SUCLG2: variants seen among roughly 807,000 people sequenced by gnomAD.
The protein encoded by SUCLG2 is succinate-CoA ligase GDP-forming subunit beta, also known as succinate--CoA ligase [GDP-forming] subunit beta, mitochondrial.
In SUCLG2, 42 loss-of-function variants were observed where a neutral mutation model predicts 47.9. The ratio of observed to expected loss-of-function variants is 0.88; its 90% CI spans 0.69 to 1.14. The LOEUF is 1.14. SUCLG2 is among the 50% of genes most tolerant of loss of function. SUCLG2 has a pLI of 0.00. For missense variants in SUCLG2, 571 were observed against 525.9 expected (o/e 1.09, Z -0.84); for synonymous variants, 195 against 197.3 (o/e 0.99, Z 0.10).
intron 2 of SUCLG2, among the ~76,000 whole-genome samples, chr3:67,601,483 C>A (rs1708416985): frequency 6.6e-6 from 1 of 152,136 alleles, no homozygotes; most frequent in South Asian, 2.1e-4. Context: ...GGTCCTATGT[C>A]ATTTACCCTA....
At chr3:67,517,059 T>C (rs1319865428) in intron 6 of SUCLG2, among the ~76,000 whole-genome samples, 1 of 152,162 alleles carries the variant, frequency 6.6e-6, no homozygotes, top group Non-Finnish European at 1.5e-5. Flanking sequence ...GAAATGGCAA[T>C]TAGTTCCTCT....
In SUCLG2 at chr3:67,508,792, CTTTT is replaced by C; in HGVS notation, c.757+11_757+14del. ...AATACATTCATTTGTTTTCTCAATT[CTTTT>C]TTTTTTTTACCTTGTCCTTCTGGAG... On this transcript the variant is annotated intron_variant, in intron 7 of 10. Coordinates refer to ENST00000307227, the MANE Select transcript of SUCLG2 (RefSeq NM_003848.4). 8.1e-7 allele frequency: 1 copy of C among 1,232,840 alleles called. No individual in the cohort carries two copies. The allele number at this position is 1,232,840 out of a possible 1,614,324, so 76.4% of individuals were successfully genotyped here. A position where few individuals can be genotyped will look rare whatever the true frequency, so the allele number is the denominator to read the frequency against.
At chr3:67,457,343 T>C (rs1317038395) in intron 9 of SUCLG2, among the ~76,000 whole-genome samples, 2 of 152,216 alleles carry the variant, frequency 1.3e-5, no homozygotes, top group Non-Finnish European at 2.9e-5. Context: ...AAGTGATACA[T>C]GGAAATGTAA....
In SUCLG2 at chr3:67,443,337, CCGCCGCGCCGGCGAG is replaced by C. The variant is rs1378716334; in HGVS notation, c.1063-42501_1063-42487del. Among the ~76,000 whole-genome samples, 3 of 24,002 alleles carry C rather than the reference CCGCCGCGCCGGCGAG, an allele frequency of 1.2e-4. 1 individual carries two copies. The highest frequency in any genetic ancestry group is 3.5e-4 in the Non-Finnish European group (3 of 8,652). 15.7% of individuals were successfully genotyped at this position (24,002 alleles called of 152,430 possible). A position where few individuals can be genotyped will look rare whatever the true frequency, so the allele number is the denominator to read the frequency against. On this transcript the variant is annotated intron_variant, in intron 9 of 10. Coordinates refer to ENST00000307227, the MANE Select transcript of SUCLG2 (RefSeq NM_003848.4). ...GGCAGCGGAGCTGTCTCAGTCTTTG[CCGCCGCGCCGGCGAG>C]CGCCCCTCGGGAGGCAGCGGCTGGA...
In SUCLG2 at chr3:67,400,766, A is replaced by C; in HGVS notation, c.1148T>G (p.Leu383Arg). Reference protein sequence around the residue: ...ANGITKACRELELKVPLVVRL... With the variant: ...ANGITKACRERELKVPLVVRL... ...GACCACCAGGGGCACCTTGAGTTCT[A>C]GCTCCCGGCAGGCTTTGGTGATCCC... The change falls in exon 10 of 11, where the codon CTA becomes CGA. Residue 383 changes from leucine to arginine, a missense_variant. Physicochemically the swap from Leu to Arg is moderately radical, Grantham distance 102. Transcript: ENST00000307227. 6.2e-7 allele frequency: 1 copy of C among 1,611,820 alleles called. No individual in the cohort carries two copies. The highest frequency in any genetic ancestry group is 8.5e-7 in the Non-Finnish European group (1 of 1,179,912).
At chr3:67,563,457 T>C (rs1424826920) in intron 2 of SUCLG2, among the ~76,000 whole-genome samples, 4 of 152,286 alleles carry the variant, frequency 2.6e-5, no homozygotes, top group East Asian at 1.9e-4. Context: ...GATGTGTAAG[T>C]AAATATGATA....
At chr3:67,643,089 T>G (rs1354052616) in intron 1 of SUCLG2, among the ~76,000 whole-genome samples, 2 of 152,158 alleles carry the variant, frequency 1.3e-5, no homozygotes, top group Non-Finnish European at 2.9e-5. Context: ...TGTAAATGAT[T>G]GTCAAATAAA....
At chr3:67,620,209 G>A (rs938742881) in intron 1 of SUCLG2, among the ~76,000 whole-genome samples, 1 of 152,148 alleles carries the variant, frequency 6.6e-6, no homozygotes, top group Non-Finnish European at 1.5e-5. Flanking sequence ...GCCCTAGGAG[G>A]AGAGGCAGGG....
intron 9 of SUCLG2, among the ~76,000 whole-genome samples, chr3:67,427,618 CGGATACT>C (rs1023168703): frequency 1.3e-5 from 2 of 152,100 alleles, no homozygotes; most frequent in African/African-American, 4.8e-5. Flanking sequence ...TGGGGCTTGT[CGGATACT>C]GGGTGCAGCC....
At chr3:67,490,751 T>C (rs1705182875) in intron 9 of SUCLG2, among the ~76,000 whole-genome samples, 1 of 152,200 alleles carries the variant, frequency 6.6e-6, no homozygotes, top group Non-Finnish European at 1.5e-5. Flanking sequence ...AAAACAATGC[T>C]TTAAGGTATT....
At chr3:67,510,190 A>G (rs1014423197) in intron 6 of SUCLG2, among the ~76,000 whole-genome samples, 34 of 152,302 alleles carry the variant, frequency 2.2e-4, no homozygotes, top group Non-Finnish European at 4.3e-4. Flanking sequence ...TGCAGCGCCT[A>G]TGAAACACAT....
In SUCLG2 at chr3:67,520,541, G is replaced by T; in HGVS notation, c.511C>A (p.Pro171Thr). 6 of 1,614,168 alleles carry T rather than the reference G, an allele frequency of 3.7e-6. No individual in the cohort carries two copies. Among genetic ancestry groups the T allele is most frequent in the Non-Finnish European group, 5.1e-6 (6 of 1,180,026 alleles). Reference sequence around the variant, plus strand: ...TCTTCAATGTCGACGCCCCCCTGGGGGCTGCCCACCAGCACGGGGCCATTG... The same window carrying T: ...TCTTCAATGTCGACGCCCCCCTGGGTGCTGCCCACCAGCACGGGGCCATTG... The part of the protein sequence containing the change: ...SCNGPVLVGS[P>T]QGGVDIEEVA... Residue 171 changes from proline (P) to threonine (T), a missense_variant, in exon 5 of 11, where the codon CCC (proline) becomes ACC (threonine). Pro to Thr is a conservative substitution (Grantham distance 38, BLOSUM62 -1). Transcript: ENST00000307227.
intron 9 of SUCLG2, among the ~76,000 whole-genome samples, chr3:67,451,122 G>C (rs1704047203): frequency 6.6e-6 from 1 of 152,150 alleles, no homozygotes; most frequent in East Asian, 1.9e-4. Flanking sequence ...TCAACACACT[G>C]TCCAATTTTT....
intron 2 of SUCLG2, among the ~76,000 whole-genome samples, chr3:67,602,873 C>A (rs987560714): frequency 1.3e-5 from 2 of 152,130 alleles, no homozygotes; most frequent in African/African-American, 4.8e-5. Context: ...CTCAAATAAG[C>A]ATGAACTAAA....
At chr3:67,653,943 A>G (rs749536191) in intron 1 of SUCLG2, among the ~76,000 whole-genome samples, 9 of 152,198 alleles carry the variant, frequency 5.9e-5, no homozygotes, top group Non-Finnish European at 1.2e-4. Context: ...AAGAGGAGAA[A>G]GATCGTTTCC....
chr3:67,398,346 A>C (rs527774092), intron 10 of SUCLG2, among the ~76,000 whole-genome samples: 20 of 151,340 alleles, frequency 1.3e-4, no homozygotes, highest in African/African-American at 4.8e-4. Context: ...CAACCCCATC[A>C]AAAAGTGGGT....
At chr3:67,377,408 G>A (rs1386492622) in intron 10 of SUCLG2, among the ~76,000 whole-genome samples, 1 of 152,178 alleles carries the variant, frequency 6.6e-6, no homozygotes, top group Non-Finnish European at 1.5e-5. Flanking sequence ...TTGCACCACA[G>A]ACTCCTGCTC....
chr3:67,418,051 C>A (rs962434540), intron 9 of SUCLG2, among the ~76,000 whole-genome samples: 9 of 152,142 alleles, frequency 5.9e-5, no homozygotes, highest in Non-Finnish European at 1.3e-4. Flanking sequence ...AAATTCTACC[C>A]ATGCAGTAGG....
At chr3:67,524,006 G>A (rs1238782551) in intron 4 of SUCLG2, among the ~76,000 whole-genome samples, 4 of 152,138 alleles carry the variant, frequency 2.6e-5, no homozygotes, top group African/African-American at 9.7e-5. Flanking sequence ...CAGGAATAAT[G>A]CATGACTCTT....
Sources: gnomAD v4.1 joint callset for allele counts (sites outside exome capture counted in the v4.1 genomes callset) on GRCh38, gnomAD v4.1.1 for gene constraint, MANE v1.5 for transcripts, NCBI Gene and HGNC (gene_info 2026-07-23, HGNC 2026-07-21) for gene names.